CSMD1: variants seen among roughly 807,000 people sequenced by gnomAD.
CSMD1 encodes CUB and Sushi multiple domains 1, also known as CUB and sushi domain-containing protein 1.
A neutral mutation model predicts 417.5 loss-of-function variants in CSMD1; 213 were observed. The ratio of observed to expected loss-of-function variants is 0.51; its 90% confidence interval spans 0.46 to 0.57. CSMD1 has a LOEUF of 0.57. Among genes scored for constraint, CSMD1 ranks in the 20% least tolerant of loss-of-function variants. The pLI is 0.00. For missense variants in CSMD1, 6,923 were observed against 4,529.7 expected (o/e 1.53, Z -15.17); for synonymous variants, 2,862 against 1,736.8 (o/e 1.65, Z -16.11).
chr8:3,260,246 TC>T (rs1489821198), intron 26 of CSMD1, among the ~76,000 whole-genome samples: 2 of 152,162 alleles, frequency 1.3e-5, no homozygotes, highest in Non-Finnish European at 2.9e-5. Flanking sequence ...TATCATTTTC[TC>T]AAAGTTGCTC....
At chr8:4,779,152 A>C (rs1797023611) in intron 1 of CSMD1, among the ~76,000 whole-genome samples, 1 of 152,170 alleles carries the variant, frequency 6.6e-6, no homozygotes, top group Non-Finnish European at 1.5e-5. Context: ...GAATTAACTG[A>C]AGTCTTCGGT....
At chr8:3,380,116 C>T (rs936856523) in intron 18 of CSMD1, among the ~76,000 whole-genome samples, 3 of 152,130 alleles carry the variant, frequency 2.0e-5, no homozygotes, top group African/African-American at 7.2e-5. Context: ...GACATTTATG[C>T]AGCCAACAAA....
chr8:3,042,885 T>C (rs116736981), intron 50 of CSMD1, among the ~76,000 whole-genome samples: 3,877 of 152,066 alleles, frequency 0.025, 163 homozygotes, highest in African/African-American at 0.088. Flanking sequence ...ATAGTGAATA[T>C]AGTATATGGA....
chr8:2,995,174 T>C (rs903043379), intron 54 of CSMD1, among the ~76,000 whole-genome samples: 1 of 152,142 alleles, frequency 6.6e-6, no homozygotes, highest in African/African-American at 2.4e-5. Context: ...AATAAAGAAC[T>C]CTTGAAACTC....
In CSMD1 at chr8:3,307,767, C is replaced by G. The variant is rs1804993585; in HGVS notation, c.3878G>C (p.Gly1293Ala). The G allele has an allele frequency of 1.2e-6, 2 of 1,613,658 alleles. No homozygotes were observed. The highest frequency in any genetic ancestry group is 1.7e-6 in the Non-Finnish European group (2 of 1,179,692). Residue 1293 changes from glycine to alanine, a missense_variant, in exon 25 of 70, where the codon GGC (glycine) becomes GCC (alanine). Gly to Ala is a moderately conservative substitution (Grantham distance 60). Coordinates refer to ENST00000635120, the MANE Select transcript of CSMD1 (RefSeq NM_033225.6). ...AATSGRILSP[G>A]YPAPYDNNLH... ...GTTGTTGTCATACGGAGCTGGATAG[C>G]CAGGGGACAATATTCGTCCTGATGT... is the stretch of plus-strand genomic sequence containing the variant.
At position 3,769,986 on chromosome 8, in the gene CSMD1, A is replaced by G. The variant is rs1037419976; in HGVS notation, c.819-15944T>C. Reference sequence around the variant, plus strand: ...TGAAAGGCACTCTGTGAATTCATACAGTGACCTGCCTTTTTCTTCCTTTTT... The same window carrying G: ...TGAAAGGCACTCTGTGAATTCATACGGTGACCTGCCTTTTTCTTCCTTTTT... On this transcript the variant is annotated intron_variant, in intron 5 of 69. Transcript: ENST00000635120. 1.1e-4 allele frequency among the ~76,000 whole-genome samples: 16 copies of G among 152,254 alleles called. 1 individual carries two copies. The highest frequency in any genetic ancestry group is 3.3e-4 in the Admixed American group (5 of 15,286).
At chr8:3,362,164 A>G (rs578187841) in intron 20 of CSMD1, among the ~76,000 whole-genome samples, 89 of 152,310 alleles carry the variant, frequency 5.8e-4, no homozygotes, top group African/African-American at 2.1e-3. Context: ...AACCACCAAC[A>G]AAACAAACTA....
intron 54 of CSMD1, among the ~76,000 whole-genome samples, chr8:2,985,032 T>A (rs1805760642): frequency 6.6e-6 from 1 of 152,234 alleles, no homozygotes; most frequent in Non-Finnish European, 1.5e-5. Context: ...AAATCAGACC[T>A]GAGCTTAAAA....
At chr8:4,171,718 G>T (rs936801534) in intron 3 of CSMD1, among the ~76,000 whole-genome samples, 1 of 149,192 alleles carries the variant, frequency 6.7e-6, no homozygotes, top group African/African-American at 2.6e-5. Flanking sequence ...ATATTTATGT[G>T]CCAAGCTTCT....
At chr8:4,204,969 T>G (rs1256081847) in intron 3 of CSMD1, among the ~76,000 whole-genome samples, 1 of 152,172 alleles carries the variant, frequency 6.6e-6, no homozygotes, top group Non-Finnish European at 1.5e-5. Flanking sequence ...CTATAAAAAT[T>G]GTTTTCTTAT....
At chr8:2,955,489 T>G in intron 64 of CSMD1, 100 bp downstream of exon 64, 1 of 1,158,658 alleles carries the variant, frequency 8.6e-7, no homozygotes, top group Non-Finnish European at 1.2e-6. Context: ...AGCCTCATGC[T>G]CTTACTTATG....
At chr8:3,477,034 T>C (rs1398625764) in intron 11 of CSMD1, among the ~76,000 whole-genome samples, 2 of 152,170 alleles carry the variant, frequency 1.3e-5, no homozygotes, top group Admixed American at 6.5e-5. Flanking sequence ...TGTTCTGATT[T>C]TGCTGGTGGT....
intron 7 of CSMD1, among the ~76,000 whole-genome samples, chr8:3,691,994 G>C (rs759742211): frequency 6.6e-6 from 1 of 152,134 alleles, no homozygotes; most frequent in Non-Finnish European, 1.5e-5. Context: ...CAGCTCATGA[G>C]ACAGGATGCT....
chr8:3,688,276 G>C (rs963103205), intron 7 of CSMD1, among the ~76,000 whole-genome samples: 5 of 152,058 alleles, frequency 3.3e-5, no homozygotes, highest in African/African-American at 4.8e-5. Flanking sequence ...CTTTTCTTTT[G>C]AAACGGACTA....
intron 26 of CSMD1, among the ~76,000 whole-genome samples, chr8:3,251,657 C>T (rs949002870): frequency 2.6e-5 from 4 of 152,092 alleles, no homozygotes; most frequent in Non-Finnish European, 5.9e-5. Context: ...CCTTGGGCAG[C>T]ATGGGCATTT....
chr8:3,231,268 G>C (rs912517228), intron 26 of CSMD1, among the ~76,000 whole-genome samples: 1 of 151,816 alleles, frequency 6.6e-6, no homozygotes, highest in Non-Finnish European at 1.5e-5. Flanking sequence ...TTAGAATAAC[G>C]AGCTCTTTCT....
intron 5 of CSMD1, among the ~76,000 whole-genome samples, chr8:3,858,053 GGTT>G (rs2129103988): frequency 6.6e-6 from 1 of 152,262 alleles, no homozygotes; most frequent in Non-Finnish European, 1.5e-5. Flanking sequence ...ATGTGTTGAT[GGTT>G]GTGTCTGTAA....
At chr8:4,606,775 T>C (rs978088092) in intron 2 of CSMD1, among the ~76,000 whole-genome samples, 38 of 152,184 alleles carry the variant, frequency 2.5e-4, no homozygotes, top group African/African-American at 8.9e-4. Context: ...AATTTTCAAA[T>C]TGACATAAAG....
intron 1 of CSMD1, among the ~76,000 whole-genome samples, chr8:4,720,210 T>C (rs1676973): frequency 0.53 from 80,643 of 150,910 alleles, 24,050 homozygotes; most frequent in East Asian, 0.78. Context: ...CTTTTGTTCC[T>C]TGATGTTTCT....
Sources: allele counts gnomAD v4.1 joint callset (sites outside exome capture counted in the v4.1 genomes callset), GRCh38; gene constraint gnomAD v4.1.1; transcripts MANE v1.5; gene names NCBI Gene and HGNC (gene_info 2026-07-23, HGNC 2026-07-21).